Variants in NCEH1 observed in about 807,000 individuals in gnomAD.
The protein encoded by NCEH1 is neutral cholesterol ester hydrolase 1.
Under a neutral mutation model 25.4 loss-of-function variants are expected in NCEH1, and 9 were observed. The ratio of observed to expected loss-of-function variants is 0.35; its 90% CI spans 0.21 to 0.62. NCEH1 has a LOEUF of 0.62. NCEH1 is among the 20% of genes least tolerant of loss of function. The pLI is 0.72. For missense variants in NCEH1, 412 were observed against 501.1 expected (o/e 0.82, Z 1.70); for synonymous variants, 200 against 199.8 (o/e 1.00, Z -0.01).
At chr3:172,662,049 T>C (rs1224181180) in intron 1 of NCEH1, among the ~76,000 whole-genome samples, 1 of 152,154 alleles carries the variant, frequency 6.6e-6, no homozygotes, top group Non-Finnish European at 1.5e-5. Flanking sequence ...CTTGTGCCAG[T>C]TTTTAAAGGG....
chr3:172,705,036 CTT>C (rs1713898644), intron 1 of NCEH1, among the ~76,000 whole-genome samples: 1 of 152,130 alleles, frequency 6.6e-6, no homozygotes, highest in South Asian at 2.1e-4. Context: ...TCCAGAAAGT[CTT>C]TTTAAAAGAA....
chr3:172,671,864 A>G (rs1425093156), intron 1 of NCEH1, among the ~76,000 whole-genome samples: 1 of 152,236 alleles, frequency 6.6e-6, no homozygotes, highest in African/African-American at 2.4e-5. Context: ...ATGGAGCTGG[A>G]AAACTCTTAT....
chr3:172,687,608 G>A (rs533350632), intron 1 of NCEH1, among the ~76,000 whole-genome samples: 5 of 152,332 alleles, frequency 3.3e-5, no homozygotes, highest in South Asian at 2.1e-4. Flanking sequence ...ATATCAGGGA[G>A]TAGGGAGTCT....
intron 2 of NCEH1, 68 bp from the exon 3 acceptor site, chr3:172,645,760 C>T: frequency 9.6e-6 from 9 of 934,086 alleles, no homozygotes; most frequent in Non-Finnish European, 1.4e-5. Context: ...ATAAATTCTG[C>T]TAAGTGTGAA....
Position 172,710,990 on chromosome 3 carries a change from C to CCCGG in NCEH1, c.-7_-6insCCGG. 6.2e-7 allele frequency: 1 copy of CCCGG among 1,613,882 alleles called. No individual in the cohort carries two copies. ...AGGACACAGGACGACCTCATCTTGC[C>CCCGG]CTGGCTCGGCTCGCCAGCGGGCTGG... On this transcript the variant is annotated 5_prime_UTR_variant, in exon 1 of 5. Coordinates refer to ENST00000475381, the MANE Select transcript of NCEH1 (RefSeq NM_020792.6).
intron 1 of NCEH1, among the ~76,000 whole-genome samples, chr3:172,701,804 GAGA>G (rs144185868): frequency 0.033 from 4,967 of 152,032 alleles, 226 homozygotes; most frequent in African/African-American, 0.1. Flanking sequence ...CACTGCCACT[GAGA>G]AGGACTATTC....
rs1278765878 is a variant in NCEH1, at chr3:172,647,870, G to C, written c.367+16C>G. On this transcript the variant is annotated intron_variant, in intron 2 of 4. Coordinates refer to ENST00000475381, the MANE Select transcript of NCEH1 (RefSeq NM_020792.6). The stretch of plus-strand genomic sequence containing the variant: ...CAACCACAACAACAAACCATCTGAA[G>C]GTGACCAGGACGCACTTGCACTTGC... The C allele has an allele frequency of 6.2e-7, 1 of 1,613,976 alleles. No homozygotes were observed. Among genetic ancestry groups the C allele is most frequent in the Non-Finnish European group, 8.5e-7 (1 of 1,179,936 alleles).
chr3:172,637,794 C>G, intron 3 of NCEH1, among the ~76,000 whole-genome samples: 1 of 152,126 alleles, frequency 6.6e-6, no homozygotes, highest in East Asian at 1.9e-4. Context: ...GAGGCTGAGG[C>G]AGGAAAATCA....
rs1355575922 is a variant in NCEH1, at chr3:172,681,430, TC to T, written c.138+29416del. ...TTTCATTTTGAACACAATAAACGTA[TC>T]CAAAGGTGAAAATAATGAATTTAAC... On this transcript the variant is annotated intron_variant, in intron 1 of 4. Coordinates refer to ENST00000475381, the MANE Select transcript of NCEH1 (RefSeq NM_020792.6). 2.6e-5 allele frequency among the ~76,000 whole-genome samples: 4 copies of T among 152,286 alleles called. No homozygotes were observed. In the East Asian group the frequency reaches 7.7e-4, roughly 29 times the overall value.
intron 1 of NCEH1, among the ~76,000 whole-genome samples, chr3:172,689,614 T>G (rs369803986): frequency 1 from 146,202 of 146,210 alleles, 73,097 homozygotes; most frequent in Middle Eastern, 1. Flanking sequence ...GGAGGCCGAG[T>G]CGGGTAGACC....
At chr3:172,667,451 G>A (rs536419445) in intron 1 of NCEH1, among the ~76,000 whole-genome samples, 5 of 152,328 alleles carry the variant, frequency 3.3e-5, no homozygotes, top group Admixed American at 2.6e-4. Flanking sequence ...CACAGGTTTA[G>A]GAAGTCAAAG....
chr3:172,659,783 C>CAT (rs1250970869), intron 1 of NCEH1, among the ~76,000 whole-genome samples: 2 of 152,220 alleles, frequency 1.3e-5, no homozygotes, highest in Non-Finnish European at 2.9e-5. Flanking sequence ...ACTATGGCAG[C>CAT]ATAGCTCTAT....
intron 1 of NCEH1, among the ~76,000 whole-genome samples, chr3:172,673,366 C>G (rs1711757586): frequency 6.6e-6 from 1 of 152,232 alleles, no homozygotes; most frequent in Non-Finnish European, 1.5e-5. Context: ...GCCAGTGAAG[C>G]AAGAGGTACA....
At chr3:172,710,798 A>C in intron 1 of NCEH1, 49 bp downstream of exon 1, 1 of 1,603,518 alleles carries the variant, frequency 6.2e-7, no homozygotes, top group Non-Finnish European at 8.5e-7. Context: ...TCCCCTTCAA[A>C]TATTGCGTAA....
chr3:172,672,849 G>A (rs898941311), intron 1 of NCEH1, among the ~76,000 whole-genome samples: 5 of 152,192 alleles, frequency 3.3e-5, no homozygotes, highest in South Asian at 2.1e-4. Context: ...GCAGCAAGAC[G>A]AAGCCACCTC....
At chr3:172,653,744 G>GTTGTTGC (rs1717534237) in intron 1 of NCEH1, among the ~76,000 whole-genome samples, 2 of 95,656 alleles carry the variant, frequency 2.1e-5, no homozygotes, top group African/African-American at 8.4e-5. Context: ...TGTTTTTTTT[G>GTTGTTGC]TTTTTTTGTT....
At chr3:172,707,805 C>T (rs1415227875) in intron 1 of NCEH1, among the ~76,000 whole-genome samples, 1 of 152,178 alleles carries the variant, frequency 6.6e-6, no homozygotes, top group Non-Finnish European at 1.5e-5. Context: ...CCAGGATGGT[C>T]TTGATCTCCT....
intron 1 of NCEH1, among the ~76,000 whole-genome samples, chr3:172,696,888 C>T (rs973563495): frequency 1.3e-5 from 2 of 152,092 alleles, no homozygotes; most frequent in African/African-American, 4.8e-5. Flanking sequence ...TTAAACTTAG[C>T]TTATTTAACC....
chr3:172,642,991 T>A (rs544188018), intron 3 of NCEH1, among the ~76,000 whole-genome samples: 1 of 152,132 alleles, frequency 6.6e-6, no homozygotes, highest in East Asian at 1.9e-4. Flanking sequence ...CAGGCTGGAG[T>A]GCAATGGCTC....
Sources: gnomAD v4.1 joint callset for allele counts (sites outside exome capture counted in the v4.1 genomes callset) on GRCh38, gnomAD v4.1.1 for gene constraint, MANE v1.5 for transcripts, NCBI Gene and HGNC (gene_info 2026-07-23, HGNC 2026-07-21) for gene names.